The following PTPRG variants were observed in gnomAD, a reference collection of about 807,000 sequenced individuals.
PTPRG encodes the protein receptor-type tyrosine-protein phosphatase gamma.
PTPRG carries 102 observed loss-of-function variants against 165.3 expected under a neutral mutation model. The observed-to-expected ratio is 0.62, with a 90% CI of 0.53 to 0.73. The LOEUF (loss-of-function observed/expected upper bound fraction) is 0.73. PTPRG is among the 30% of genes least tolerant of loss of function. The pLI, the probability that PTPRG is intolerant of heterozygous loss-of-function variation, is 0.00. For synonymous variants in PTPRG, 675 were observed against 669.5 expected (o/e 1.01, Z -0.13); for missense variants, 1,866 against 1,861.4 (o/e 1.00, Z -0.05).
intron 1 of PTPRG, among the ~76,000 whole-genome samples, chr3:61,577,448 G>T (rs1361935557): frequency 1.3e-5 from 2 of 152,290 alleles, no homozygotes; most frequent in East Asian, 3.9e-4. Context: ...AGTATGGCAT[G>T]TCTAAATTGA....
intron 15 of PTPRG, among the ~76,000 whole-genome samples, chr3:62,246,180 T>TCAGTTGG (rs1350562391): frequency 1.3e-5 from 2 of 152,146 alleles, no homozygotes; most frequent in East Asian, 3.9e-4. Context: ...CAATTGTACC[T>TCAGTTGG]CAGTTGGCAA....
intron 4 of PTPRG, among the ~76,000 whole-genome samples, chr3:62,005,426 G>C (rs1179536353): frequency 1.3e-5 from 2 of 152,098 alleles, no homozygotes; most frequent in South Asian, 2.1e-4. Context: ...GAGTTGAAGG[G>C]GTAGCTTTGT....
intron 1 of PTPRG, chr3:61,742,664 C>T: frequency 1.4e-5 from 23 of 1,604,986 alleles, no homozygotes; most frequent in Non-Finnish European, 2.0e-5. Flanking sequence ...TTCACCTCAC[C>T]CACTTTGGCC....
chr3:62,272,641 C>G (rs1424518201), intron 21 of PTPRG, among the ~76,000 whole-genome samples: 2 of 152,078 alleles, frequency 1.3e-5, no homozygotes, highest in African/African-American at 2.4e-5. Context: ...GTCAGGAGTT[C>G]GATACCAGTC....
intron 2 of PTPRG, among the ~76,000 whole-genome samples, chr3:61,912,112 A>G (rs1382143084): frequency 6.6e-6 from 1 of 152,020 alleles, no homozygotes; most frequent in Non-Finnish European, 1.5e-5. Context: ...TTCTATTTTT[A>G]TGAAGTATTT....
chr3:61,726,726 T>C (rs978272310), intron 1 of PTPRG, among the ~76,000 whole-genome samples: 7 of 152,204 alleles, frequency 4.6e-5, no homozygotes, highest in Non-Finnish European at 1.0e-4. Flanking sequence ...CCCTTGAGTT[T>C]ATGATTTGTT....
Position 61,617,313 on chromosome 3 carries a change from C to T in PTPRG, c.85+54941C>T, listed in dbSNP as rs114179403. Reference sequence around the variant, plus strand: ...ATAAGTGGTAGAATCTAAATGAGGTCTGTCCAGCCAGGGTGTGTCGGTATT... The same window carrying T: ...ATAAGTGGTAGAATCTAAATGAGGTTTGTCCAGCCAGGGTGTGTCGGTATT... On this transcript the variant is annotated intron_variant, in intron 1 of 29. Coordinates refer to ENST00000474889, the MANE Select transcript of PTPRG (RefSeq NM_002841.4). Among the ~76,000 whole-genome samples, 585 of 152,308 alleles carry T rather than the reference C, an allele frequency of 3.8e-3. 2 individuals are homozygous for T. Among genetic ancestry groups the T allele is most frequent in the Non-Finnish European group, 6.7e-3 (457 of 68,032 alleles).
chr3:61,633,620 T>C (rs1347240093), intron 1 of PTPRG, among the ~76,000 whole-genome samples: 1 of 152,246 alleles, frequency 6.6e-6, no homozygotes, highest in Non-Finnish European at 1.5e-5. Context: ...TACAAGATTA[T>C]GTCATTTGCA....
At chr3:62,189,407 C>T (rs530908111) in intron 8 of PTPRG, among the ~76,000 whole-genome samples, 3 of 152,214 alleles carry the variant, frequency 2.0e-5, no homozygotes, top group African/African-American at 4.8e-5. Flanking sequence ...GTAGGAAATA[C>T]GGGAGTCTGG....
intron 3 of PTPRG, among the ~76,000 whole-genome samples, chr3:62,002,778 C>T (rs2041204588): frequency 6.6e-6 from 1 of 152,284 alleles, no homozygotes; most frequent in Non-Finnish European, 1.5e-5. Flanking sequence ...ATTACACTTT[C>T]CTGGGTACTG....
chr3:62,062,775 A>C (rs560306825), intron 4 of PTPRG, among the ~76,000 whole-genome samples: 1 of 152,036 alleles, frequency 6.6e-6, no homozygotes, highest in African/African-American at 2.4e-5. Context: ...TGATTGCTCT[A>C]CTTCAGCCTC....
rs187636583 is a variant in PTPRG at position 61,629,874 on chromosome 3, C to T, written c.85+67502C>T. 3.3e-4 allele frequency among the ~76,000 whole-genome samples: 50 copies of T among 152,290 alleles called. No homozygotes were observed. In the East Asian group the frequency reaches 5.8e-3, roughly 18 times the overall value. ...TGTAACATGTCTTCAGCTTTAGGCT[C>T]CTTAGCCTTTCAAGGGCCCTTCTGT... On this transcript the variant is annotated intron_variant, in intron 1 of 29. Coordinates refer to ENST00000474889, the MANE Select transcript of PTPRG (RefSeq NM_002841.4).
At chr3:61,991,210 T>C (rs2040880391) in intron 3 of PTPRG, among the ~76,000 whole-genome samples, 1 of 152,222 alleles carries the variant, frequency 6.6e-6, no homozygotes, top group African/African-American at 2.4e-5. Context: ...TTGTACGTAA[T>C]TTTTTAAATT....
rs73099126 is a variant in PTPRG at position 61,687,801 on chromosome 3, A to G, written c.86-61077A>G. Reference sequence around the variant, plus strand: ...AGCAATACCTGCTCCTTTTTGGGAAATCCATTTGTTAAATAGCCCTCAGAA... The same window carrying G: ...AGCAATACCTGCTCCTTTTTGGGAAGTCCATTTGTTAAATAGCCCTCAGAA... On this transcript the variant is annotated intron_variant, in intron 1 of 29. Coordinates refer to ENST00000474889, the MANE Select transcript of PTPRG (RefSeq NM_002841.4). Among the ~76,000 whole-genome samples, 1,010 of 152,274 alleles carry G rather than the reference A, an allele frequency of 6.6e-3. 6 individuals are homozygous for G. Among genetic ancestry groups the G allele is most frequent in the Admixed American group, 0.013 (201 of 15,288 alleles).
At chr3:62,043,047 C>T (rs878890575) in intron 4 of PTPRG, among the ~76,000 whole-genome samples, 7 of 152,056 alleles carry the variant, frequency 4.6e-5, no homozygotes, top group Admixed American at 2.0e-4. Context: ...TATTAAGTGA[C>T]GTGTCAAGAT....
intron 10 of PTPRG, among the ~76,000 whole-genome samples, chr3:62,200,558 T>C (rs1700074045): frequency 6.6e-6 from 1 of 152,164 alleles, no homozygotes; most frequent in Non-Finnish European, 1.5e-5. Flanking sequence ...CTTGAGCCAC[T>C]GTGCCTGGCC....
At chr3:61,919,760 T>C (rs2039032742) in intron 2 of PTPRG, among the ~76,000 whole-genome samples, 1 of 152,198 alleles carries the variant, frequency 6.6e-6, no homozygotes, top group Non-Finnish European at 1.5e-5. Context: ...CTGTTCTACC[T>C]AGCCATAGAG....
intron 2 of PTPRG, among the ~76,000 whole-genome samples, chr3:61,973,540 A>G (rs2040431684): frequency 6.6e-6 from 1 of 152,148 alleles, no homozygotes; most frequent in South Asian, 2.1e-4. Flanking sequence ...TGTTTAAGAA[A>G]ATGATTTGGG....
rs867095821 is a variant in PTPRG, at chr3:61,871,497, C to A, written c.191-118128C>A. 2.6e-5 allele frequency among the ~76,000 whole-genome samples: 4 copies of A among 152,216 alleles called. No individual in the cohort carries two copies. The Middle Eastern group carries it at 0.01, about 388-fold the overall frequency. On this transcript the variant is annotated intron_variant, in intron 2 of 29. Coordinates refer to ENST00000474889, the MANE Select transcript of PTPRG (RefSeq NM_002841.4). ...GGGATTATAGGCATGAGCTACCACA[C>A]CCGGCCCCTTTTACTGTTTAAAAGC...
Sources: allele counts gnomAD v4.1 joint callset (sites outside exome capture counted in the v4.1 genomes callset), GRCh38; gene constraint gnomAD v4.1.1; transcripts MANE v1.5; gene names NCBI Gene and HGNC (gene_info 2026-07-23, HGNC 2026-07-21).